The following KAZN variants were observed in gnomAD, a reference collection of about 807,000 sequenced individuals.
KAZN encodes the protein kazrin, periplakin interacting protein.
Under a neutral mutation model 87.4 loss-of-function variants are expected in KAZN, and 40 were observed. The ratio of observed to expected loss-of-function variants is 0.46; its 90% confidence interval spans 0.36 to 0.60. KAZN has a LOEUF of 0.60. Among genes scored for constraint, KAZN ranks in the 20% least tolerant of loss-of-function variants. KAZN has a pLI of 0.00. For synonymous variants in KAZN, 466 were observed against 458.3 expected, an observed-to-expected ratio of 1.02 and a Z score of -0.22; for missense variants, 898 against 1,073.9, an observed-to-expected ratio of 0.84 and a Z score of 2.29.
chr1:13,931,759 A>G (rs1296871307), intron 1 of KAZN, among the ~76,000 whole-genome samples: 1 of 152,176 alleles, frequency 6.6e-6, no homozygotes, highest in Non-Finnish European at 1.5e-5. Flanking sequence ...TTTCAGAACC[A>G]AAAATCATGA....
At chr1:15,112,358 TGTGTGTGTGTGTG>T in intron 13 of KAZN, 56 bp from the exon 14 acceptor site, 1 of 749,344 alleles carries the variant, frequency 1.3e-6, no homozygotes, top group South Asian at 1.5e-5. Flanking sequence ...TGTGTGTGTG[TGTGTGTGTGTGTG>T]TGTCTGGGGA....
chr1:14,878,314 G>T (rs965996966), intron 1 of KAZN, among the ~76,000 whole-genome samples: 1 of 151,930 alleles, frequency 6.6e-6, no homozygotes, highest in Non-Finnish European at 1.5e-5. Context: ...CTTTGGGGGG[G>T]TGGCTGTCCT....
At chr1:13,926,139 C>T (rs569045257) in intron 1 of KAZN, among the ~76,000 whole-genome samples, 3 of 152,160 alleles carry the variant, frequency 2.0e-5, no homozygotes, top group South Asian at 4.1e-4. Flanking sequence ...TCCTAGGAAG[C>T]TTTCACCAAT....
intron 2 of KAZN, among the ~76,000 whole-genome samples, chr1:14,468,047 CA>C (rs1668258981): frequency 1.3e-5 from 2 of 152,040 alleles, no homozygotes; most frequent in South Asian, 4.2e-4. Context: ...TGTGTTCCTA[CA>C]ATGAAGGCCA....
At position 13,958,330 on chromosome 1, in the gene KAZN, G is replaced by C. The variant is rs374483256; in HGVS notation, c.91+64574G>C. On this transcript the variant is annotated intron_variant, in intron 1 of 16. Transcript: ENST00000636203. ...TCACGCCTGTAATCCCAGCACTTTG[G>C]GAGGCCGAGGCGGGCGGATCACGAG... Among the ~76,000 whole-genome samples the C allele has an allele frequency of 6.8e-4, 104 of 152,294 alleles. 4 individuals carry two copies. The South Asian group carries it at 0.019, about 29-fold the overall frequency.
intron 1 of KAZN, among the ~76,000 whole-genome samples, chr1:14,134,839 G>A (rs1645070163): frequency 6.6e-6 from 1 of 151,878 alleles, no homozygotes; most frequent in South Asian, 2.1e-4. Flanking sequence ...CAATAAAGAC[G>A]GAAAATGGAA....
At position 15,092,060 on chromosome 1, in the gene KAZN, G is replaced by GTTTTTTTTTTTTTTGTTTTTTTTTTT. The variant is rs57460680; in HGVS notation, c.1223-2109_1223-2108insTTTGTTTTTTTTTTTTTTTTTTTTTT. ...TTCTAATCAGAGGTTTTGTTTTTTT[G>GTTTTTTTTTTTTTTGTTTTTTTTTTT]TTTTTTTTTTTGATTTTTTTTTTTT... On this transcript the variant is annotated intron_variant, in intron 8 of 14. Transcript: ENST00000376030. Among the ~76,000 whole-genome samples the GTTTTTTTTTTTTTTGTTTTTTTTTTT allele has an allele frequency of 4.4e-5, 5 of 114,432 alleles. No homozygotes were observed. The East Asian group carries it at 1.3e-3, about 29-fold the overall frequency. The allele number at this position is 114,432 out of a possible 152,430, so 75.1% of individuals were successfully genotyped here. A position where few individuals can be genotyped will look rare whatever the true frequency, so the allele number is the denominator to read the frequency against.
intron 6 of KAZN, chr1:15,060,677 G>A: frequency 8.5e-6 from 2 of 236,242 alleles, no homozygotes; most frequent in South Asian, 7.7e-5. Flanking sequence ...TTTAGAGCCA[G>A]CTCTCTATCC....
intron 2 of KAZN, among the ~76,000 whole-genome samples, chr1:14,968,246 T>C (rs1374156965): frequency 6.6e-6 from 1 of 152,066 alleles, no homozygotes; most frequent in Non-Finnish European, 1.5e-5. Context: ...ATCCCTCACA[T>C]GCGCAGTTCA....
At chr1:14,960,234 C>A (rs1056146654) in intron 1 of KAZN, among the ~76,000 whole-genome samples, 5 of 152,182 alleles carry the variant, frequency 3.3e-5, no homozygotes, top group Admixed American at 6.5e-5. Context: ...AACTTTATGA[C>A]CACCTGGAGT....
chr1:14,985,649 G>A (rs1666732333), intron 2 of KAZN, among the ~76,000 whole-genome samples: 1 of 152,162 alleles, frequency 6.6e-6, no homozygotes, highest in South Asian at 2.1e-4. Flanking sequence ...TTACCTGTGG[G>A]TTCGTTGGAT....
chr1:15,054,901 T>A (rs917929756), intron 4 of KAZN, among the ~76,000 whole-genome samples: 4 of 152,214 alleles, frequency 2.6e-5, no homozygotes, highest in Non-Finnish European at 4.4e-5. Flanking sequence ...CTGTCCTACA[T>A]GTTCTTGGCG....
At chr1:14,866,872 A>C (rs1484568659) in intron 1 of KAZN, among the ~76,000 whole-genome samples, 6 of 152,230 alleles carry the variant, frequency 3.9e-5, no homozygotes, top group Non-Finnish European at 8.8e-5. Context: ...CCAGGCATGG[A>C]ATCTGTGCTG....
At chr1:14,514,803 T>G (rs1671217064) in intron 2 of KAZN, among the ~76,000 whole-genome samples, 1 of 151,440 alleles carries the variant, frequency 6.6e-6, no homozygotes. Context: ...ACCTCATTCA[T>G]AAAATGGAAC....
At chr1:14,253,309 T>C (rs1203608717) in intron 2 of KAZN, among the ~76,000 whole-genome samples, 1 of 152,160 alleles carries the variant, frequency 6.6e-6, no homozygotes, top group Non-Finnish European at 1.5e-5. Context: ...AAAAGTACCC[T>C]ACCCTTGCAG....
intron 4 of KAZN, among the ~76,000 whole-genome samples, chr1:15,047,003 C>T (rs1673625457): frequency 6.6e-6 from 1 of 152,226 alleles, no homozygotes; most frequent in South Asian, 2.1e-4. Flanking sequence ...GCTTCCACTC[C>T]CACTGCGTCT....
chr1:14,075,972 G>T (rs181142096), intron 1 of KAZN, among the ~76,000 whole-genome samples: 35 of 152,242 alleles, frequency 2.3e-4, no homozygotes, highest in Non-Finnish European at 2.5e-4. Context: ...AGGTCATTAG[G>T]GTGGGATTTA....
intron 2 of KAZN, among the ~76,000 whole-genome samples, chr1:14,497,540 G>A (rs1557759214): frequency 6.6e-6 from 1 of 152,040 alleles, no homozygotes; most frequent in Non-Finnish European, 1.5e-5. Context: ...GATGAATAGA[G>A]TCACCAGAAG....
At chr1:14,671,968 A>G (rs1261452291) in intron 1 of KAZN, among the ~76,000 whole-genome samples, 1 of 152,218 alleles carries the variant, frequency 6.6e-6, no homozygotes, top group Non-Finnish European at 1.5e-5. Context: ...TAGAAAAGAG[A>G]ATATTACAAA....
Sources: gnomAD v4.1 joint callset for allele counts (sites outside exome capture counted in the v4.1 genomes callset) on GRCh38, gnomAD v4.1.1 for gene constraint, MANE v1.5 for transcripts, NCBI Gene and HGNC (gene_info 2026-07-23, HGNC 2026-07-21) for gene names.